Variants in MAGI2 observed in about 807,000 individuals in gnomAD.
The protein encoded by MAGI2 is membrane associated guanylate kinase, WW and PDZ domain containing 2.
In MAGI2, 35 loss-of-function variants were observed where a neutral mutation model predicts 133.3. The observed-to-expected ratio is 0.26, with a 90% confidence interval of 0.20 to 0.35. MAGI2 has a LOEUF of 0.35. Among genes scored for constraint, MAGI2 ranks in the 10% least tolerant of loss-of-function variants. The pLI is 1.00. For missense variants in MAGI2, 1,636 were observed against 1,863.4 expected, an observed-to-expected ratio of 0.88 and a Z score of 2.25; for synonymous variants, 729 against 710.6, an observed-to-expected ratio of 1.03 and a Z score of -0.41.
intron 1 of MAGI2, among the ~76,000 whole-genome samples, chr7:79,347,396 A>G (rs1841399040): frequency 6.6e-6 from 1 of 151,664 alleles, no homozygotes; most frequent in South Asian, 2.1e-4. Flanking sequence ...TAATCCCATG[A>G]TTCTTTCTGT....
At chr7:78,416,315 C>T (rs972554416) in intron 6 of MAGI2, among the ~76,000 whole-genome samples, 1 of 151,798 alleles carries the variant, frequency 6.6e-6, no homozygotes, top group Non-Finnish European at 1.5e-5. Flanking sequence ...ATAAAAAATG[C>T]AGAAGGTATT....
chr7:78,335,853 G>T (rs867852489), intron 9 of MAGI2, among the ~76,000 whole-genome samples: 1 of 152,142 alleles, frequency 6.6e-6, no homozygotes, highest in Non-Finnish European at 1.5e-5. Flanking sequence ...GTGAACAAAT[G>T]TACAAAGCCA....
At chr7:78,444,289 A>G (rs894022970) in intron 6 of MAGI2, among the ~76,000 whole-genome samples, 1 of 152,108 alleles carries the variant, frequency 6.6e-6, no homozygotes, top group Non-Finnish European at 1.5e-5. Context: ...ATAAGTGAAA[A>G]CTAAAACTTA....
chr7:78,510,632 A>G (rs368036356), intron 4 of MAGI2, among the ~76,000 whole-genome samples: 33 of 152,358 alleles, frequency 2.2e-4, no homozygotes, highest in African/African-American at 6.5e-4. Flanking sequence ...GTTTGCATCA[A>G]TTGAGCTTTT....
intron 11 of MAGI2, 63 bp from the exon 12 acceptor site, chr7:78,195,126 A>G (rs752003728): frequency 5.1e-6 from 7 of 1,385,106 alleles, no homozygotes; most frequent in Non-Finnish European, 6.8e-6. Context: ...TTCTCTTGTC[A>G]CCTTTAGGTT....
intron 2 of MAGI2, among the ~76,000 whole-genome samples, chr7:78,903,294 C>A (rs1259768297): frequency 6.8e-6 from 1 of 147,050 alleles, no homozygotes; most frequent in Non-Finnish European, 1.5e-5. Context: ...CCCGGGTTCA[C>A]GCCATTCTCC....
Position 78,980,165 on chromosome 7 carries a change from T to C in MAGI2, c.418+26925A>G, listed in dbSNP as rs183396577. 1.6e-3 allele frequency among the ~76,000 whole-genome samples: 247 copies of C among 151,900 alleles called. 2 individuals are homozygous for C. Among genetic ancestry groups the C allele is most frequent in the Non-Finnish European group, 1.3e-3 (86 of 67,846 alleles). On this transcript the variant is annotated intron_variant, in intron 2 of 21. Transcript: ENST00000354212. ...GGCAGGTTAGGAAATCTCTCTGTTC[T>C]TTGTTTTTTTTTTCTCATCTGTAAA...
At chr7:78,472,750 G>C (rs1791351326) in intron 6 of MAGI2, among the ~76,000 whole-genome samples, 1 of 152,126 alleles carries the variant, frequency 6.6e-6, no homozygotes, top group East Asian at 1.9e-4. Context: ...ATAATGCTAA[G>C]TGCATCATCC....
chr7:78,033,119 G>A (rs919764301), intron 21 of MAGI2, among the ~76,000 whole-genome samples: 1 of 152,110 alleles, frequency 6.6e-6, no homozygotes, highest in Non-Finnish European at 1.5e-5. Flanking sequence ...TGGTAGCTTG[G>A]ATGTGGGTGA....
intron 1 of MAGI2, among the ~76,000 whole-genome samples, chr7:79,134,574 A>G (rs1289294288): frequency 2.0e-5 from 3 of 152,172 alleles, no homozygotes; most frequent in Non-Finnish European, 4.4e-5. Flanking sequence ...CCTTCTCTAT[A>G]TCGCACATAC....
intron 1 of MAGI2, among the ~76,000 whole-genome samples, chr7:79,308,078 G>A (rs1267913627): frequency 2.0e-5 from 3 of 152,054 alleles, no homozygotes; most frequent in African/African-American, 4.8e-5. Flanking sequence ...AAAAGAAAAT[G>A]GATACACTTC....
At chr7:79,167,586 A>ATTGT (rs1012234004) in intron 1 of MAGI2, among the ~76,000 whole-genome samples, 9 of 151,904 alleles carry the variant, frequency 5.9e-5, no homozygotes, top group Non-Finnish European at 2.9e-5. Context: ...TTTTCAATTC[A>ATTGT]TTGTTACGTG....
chr7:78,976,010 G>A (rs1237473614), intron 2 of MAGI2, among the ~76,000 whole-genome samples: 1 of 151,526 alleles, frequency 6.6e-6, no homozygotes, highest in African/African-American at 2.4e-5. Flanking sequence ...TATCAAAAAA[G>A]TTAATCAGTA....
At chr7:78,854,908 G>A (rs1248221535) in intron 2 of MAGI2, among the ~76,000 whole-genome samples, 1 of 151,768 alleles carries the variant, frequency 6.6e-6, no homozygotes, top group African/African-American at 2.4e-5. Flanking sequence ...CCAGGCTGGA[G>A]TACAATAGTG....
chr7:78,205,171 C>A lies in MAGI2; in HGVS notation c.2048-3978G>T, dbSNP rs1469925859. Among the ~76,000 whole-genome samples the A allele has an allele frequency of 2.0e-5, 3 of 152,168 alleles. No homozygotes were observed. In the East Asian group the frequency reaches 5.8e-4, roughly 29 times the overall value. ...CTTGAGACAGGGTCTCACTTGGTCA[C>A]CCCACGCTGAAGTGCAGTGGCGTGA... On this transcript the variant is annotated intron_variant, in intron 10 of 21. Coordinates refer to ENST00000354212, the MANE Select transcript of MAGI2 (RefSeq NM_012301.4).
intron 1 of MAGI2, among the ~76,000 whole-genome samples, chr7:79,378,786 C>T (rs985471348): frequency 4.7e-5 from 7 of 150,470 alleles, no homozygotes; most frequent in South Asian, 2.1e-4. Context: ...AAGAACAGTG[C>T]GACTGAGGCA....
rs371217098 is a variant in MAGI2 at position 78,641,870 on chromosome 7, G to A, written c.419-14631C>T. Among the ~76,000 whole-genome samples the A allele has an allele frequency of 1.8e-4, 27 of 152,224 alleles. No individual in the cohort carries two copies. In the South Asian group the frequency reaches 5.2e-3, roughly 29 times the overall value. On this transcript the variant is annotated intron_variant, in intron 2 of 21. Transcript: ENST00000354212. ...AACAAGAAATTGCCAGGGGAAATAC[G>A]TGTTTTGTGAGGCTGATCAAGAGTG...
chr7:78,170,985 T>C (rs1826058229), intron 14 of MAGI2: 1 of 152,178 alleles, frequency 6.6e-6, no homozygotes, highest in Admixed American at 6.5e-5. Flanking sequence ...ATTTGCTCCA[T>C]CCATCAGGAG....
At chr7:78,514,518 C>G (rs1228164753) in intron 4 of MAGI2, among the ~76,000 whole-genome samples, 1 of 152,052 alleles carries the variant, frequency 6.6e-6, no homozygotes, top group East Asian at 1.9e-4. Flanking sequence ...AGATAAAACC[C>G]AGTACTCTGG....
Sources: allele counts gnomAD v4.1 joint callset (sites outside exome capture counted in the v4.1 genomes callset), GRCh38; gene constraint gnomAD v4.1.1; transcripts MANE v1.5; gene names NCBI Gene and HGNC (gene_info 2026-07-23, HGNC 2026-07-21).